FBXL13: variants seen among roughly 807,000 people sequenced by gnomAD.
The protein encoded by FBXL13 is F-box and leucine rich repeat protein 13, also known as F-box and leucine-rich repeat protein 13.
In FBXL13, 67 loss-of-function variants were observed where a neutral mutation model predicts 83.6. The observed-to-expected ratio is 0.80, with a 90% confidence interval of 0.66 to 0.98. The LOEUF (loss-of-function observed/expected upper bound fraction) is 0.98. Ranked by LOEUF, FBXL13 falls within the 50% of genes least tolerant of loss-of-function variation. The pLI, the probability that FBXL13 is intolerant of heterozygous loss-of-function variation, is 0.00. For synonymous variants in FBXL13, 272 were observed against 299.5 expected (o/e 0.91, Z 0.95); for missense variants, 822 against 866.5 (o/e 0.95, Z 0.64).
At chr7:102,876,200 C>G (rs777918651) in intron 16 of FBXL13, among the ~76,000 whole-genome samples, 1 of 152,184 alleles carries the variant, frequency 6.6e-6, no homozygotes, top group Non-Finnish European at 1.5e-5. Context: ...GCAGACACGA[C>G]AGGGAAACCT....
intron 10 of FBXL13, among the ~76,000 whole-genome samples, chr7:102,923,117 A>G (rs889846738): frequency 6.6e-6 from 1 of 152,242 alleles, no homozygotes; most frequent in African/African-American, 2.4e-5. Flanking sequence ...CTGCTTGTCA[A>G]TGATGTGAAT....
rs1361797105 is a variant in FBXL13, at chr7:103,024,850, TATA to T, written c.495+210_495+212del. On this transcript the variant is annotated intron_variant, in intron 6 of 19. Coordinates refer to ENST00000313221, the Ensembl canonical transcript of FBXL13. The stretch of plus-strand genomic sequence containing the variant: ...ATATATGTGTATATATATATATATA[TATA>T]TATATTTTTTTTTTTTTTTTTTTTG... Among the ~76,000 whole-genome samples the T allele has an allele frequency of 7.5e-3, 801 of 107,350 alleles. 7 individuals are homozygous for T. Among genetic ancestry groups the T allele is most frequent in the Non-Finnish European group, 9.9e-3 (572 of 57,542 alleles). 70.4% of individuals were successfully genotyped at this position (107,350 alleles called of 152,430 possible).
chr7:102,960,444 A>G (rs1825000901), intron 8 of FBXL13, among the ~76,000 whole-genome samples: 1 of 152,100 alleles, frequency 6.6e-6, no homozygotes, highest in African/African-American at 2.4e-5. Context: ...AAACTATTCC[A>G]ATCAATAGAA....
chr7:103,061,530 G>A (rs908627356), intron 1 of FBXL13, among the ~76,000 whole-genome samples: 1 of 152,164 alleles, frequency 6.6e-6, no homozygotes, highest in Non-Finnish European at 1.5e-5. Context: ...CCAGCAAAAT[G>A]AGTTAGTGTA....
chr7:103,025,219 A>C (rs760173132), exon 6 of FBXL13: 22 of 1,570,558 alleles, frequency 1.4e-5, no homozygotes, highest in Non-Finnish European at 1.9e-5. Flanking sequence ...ATTGAAGTTC[A>C]TGTTTTAATA....
chr7:102,905,948 C>T (rs980846058), intron 11 of FBXL13, among the ~76,000 whole-genome samples: 3 of 152,046 alleles, frequency 2.0e-5, no homozygotes, highest in Non-Finnish European at 2.9e-5. Flanking sequence ...CTCATAAAGA[C>T]GTACCTGAGA....
intron 8 of FBXL13, chr7:102,934,688 T>G: frequency 6.4e-7 from 1 of 1,573,558 alleles, no homozygotes; most frequent in Admixed American, 2.0e-5. Context: ...AAGGAAAGGT[T>G]TGTACTTTTC....
At chr7:102,965,850 GT>G in intron 7 of FBXL13, among the ~76,000 whole-genome samples, 2 of 152,188 alleles carry the variant, frequency 1.3e-5, no homozygotes, top group South Asian at 4.1e-4. Flanking sequence ...AACATTTTCC[GT>G]GTTGTCTAAA....
rs189071385 is a variant in FBXL13, at chr7:102,881,823, G to A, written c.1388+1482C>T. Among the ~76,000 whole-genome samples the A allele has an allele frequency of 6.6e-3, 1,003 of 152,234 alleles. 11 individuals are homozygous for A. The highest frequency in any genetic ancestry group is 0.018 in the South Asian group (87 of 4,822). ...CAGGCTCACTCACATGGCTGTTGGC[G>A]GGAGGCTTTAATTCTTCACTGGCCC... is the stretch of plus-strand genomic sequence containing the variant. On this transcript the variant is annotated intron_variant, in intron 14 of 19. Coordinates refer to ENST00000313221, the Ensembl canonical transcript of FBXL13.
intron 6 of FBXL13, chr7:102,975,972 G>T: frequency 1.3e-6 from 1 of 766,106 alleles, no homozygotes. Flanking sequence ...CTTCAAGTGC[G>T]GCAATGAAGG....
intron 8 of FBXL13, among the ~76,000 whole-genome samples, chr7:102,957,811 A>T (rs577322174): frequency 2.9e-4 from 44 of 152,352 alleles, no homozygotes; most frequent in South Asian, 8.3e-4. Flanking sequence ...GTCATCAGAG[A>T]AATGCAAATC....
chr7:102,931,814 A>C, intron 9 of FBXL13, 67 bp downstream of exon 10: 1 of 1,445,752 alleles, frequency 6.9e-7, no homozygotes, highest in Non-Finnish European at 9.7e-7. Flanking sequence ...TCTATTCTGC[A>C]TATTGGCACC....
intron 6 of FBXL13, among the ~76,000 whole-genome samples, chr7:102,995,297 T>G (rs890219937): frequency 6.6e-6 from 1 of 150,728 alleles, no homozygotes; most frequent in South Asian, 2.1e-4. Context: ...ATGGCTAACA[T>G]GGTGAAACCC....
intron 8 of FBXL13, chr7:102,942,310 G>A: frequency 6.3e-7 from 1 of 1,597,642 alleles, no homozygotes; most frequent in Non-Finnish European, 8.5e-7. Context: ...ATGAAACCCT[G>A]CAAGTAGACT....
intron 11 of FBXL13, among the ~76,000 whole-genome samples, chr7:102,887,706 C>A (rs543912062): frequency 6.6e-6 from 1 of 152,306 alleles, no homozygotes; most frequent in South Asian, 2.1e-4. Context: ...GGGGAGTCCA[C>A]TTTACTCAAA....
chr7:102,990,911 T>C (rs950106026), intron 6 of FBXL13, among the ~76,000 whole-genome samples: 2 of 152,194 alleles, frequency 1.3e-5, no homozygotes, highest in East Asian at 1.9e-4. Flanking sequence ...AGGCTAGAAC[T>C]GGAAATCCTC....
intron 8 of FBXL13, chr7:102,936,434 G>A (rs1820326680): frequency 6.6e-6 from 1 of 152,198 alleles, no homozygotes; most frequent in South Asian, 2.1e-4. Context: ...CAAACAATCA[G>A]CTGTCTCAGC....
At chr7:103,011,845 TA>T (rs1791665621) in intron 6 of FBXL13, among the ~76,000 whole-genome samples, 1 of 152,010 alleles carries the variant, frequency 6.6e-6, no homozygotes, top group African/African-American at 2.4e-5. Flanking sequence ...AATATGGGAT[TA>T]TGTAAACAGA....
chr7:103,053,419 C>T (rs1287599047), intron 2 of FBXL13, among the ~76,000 whole-genome samples: 3 of 152,320 alleles, frequency 2.0e-5, no homozygotes, highest in South Asian at 4.1e-4. Flanking sequence ...TCCCAAAGTG[C>T]TGGAATTACA....
Sources: allele counts gnomAD v4.1 joint callset (sites outside exome capture counted in the v4.1 genomes callset), GRCh38; gene constraint gnomAD v4.1.1; transcripts MANE v1.5; gene names NCBI Gene and HGNC (gene_info 2026-07-23, HGNC 2026-07-21).